The following PRPSAP2 variants were observed in gnomAD, a reference collection of about 807,000 sequenced individuals.
PRPSAP2 encodes phosphoribosyl pyrophosphate synthetase associated protein 2.
PRPSAP2 carries 24 observed loss-of-function variants against 40.6 expected under a neutral mutation model. The observed-to-expected ratio is 0.59, with a 90% confidence interval of 0.43 to 0.83. PRPSAP2 has a LOEUF of 0.83. Ranked by LOEUF, PRPSAP2 falls within the 40% of genes least tolerant of loss-of-function variation. The pLI is 0.00. For missense variants in PRPSAP2, 292 were observed against 465.6 expected (o/e 0.63, Z 3.43); for synonymous variants, 149 against 164.7 (o/e 0.90, Z 0.73).
At chr17:18,877,633 CT>C in intron 5 of PRPSAP2, 64 bp from the exon 6 acceptor site, 2 of 1,476,858 alleles carry the variant, frequency 1.4e-6, no homozygotes, top group Non-Finnish European at 1.8e-6. Context: ...ACTGCTGACA[CT>C]TTTTGGAACA....
At chr17:18,909,542 C>A (rs1453253761) in intron 8 of PRPSAP2, among the ~76,000 whole-genome samples, 3 of 151,974 alleles carry the variant, frequency 2.0e-5, no homozygotes, top group Non-Finnish European at 4.4e-5. Context: ...CTGCGCCCGG[C>A]CTATGTGGCC....
At chr17:18,924,923 C>T (rs1039143854) in intron 10 of PRPSAP2, among the ~76,000 whole-genome samples, 1 of 152,084 alleles carries the variant, frequency 6.6e-6, no homozygotes, top group Non-Finnish European at 1.5e-5. Context: ...AGTTGAAGAC[C>T]AGCCTGGCCA....
intron 7 of PRPSAP2, among the ~76,000 whole-genome samples, chr17:18,885,895 G>A (rs867548798): frequency 2.6e-5 from 4 of 151,994 alleles, no homozygotes; most frequent in Admixed American, 6.6e-5. Flanking sequence ...CCTAATTTTT[G>A]TGTTTTTAGT....
rs542160670 is a variant in PRPSAP2 at position 18,868,787 on chromosome 17, G to A, written c.172+1453G>A. On this transcript the variant is annotated intron_variant, in intron 4 of 11. Coordinates refer to ENST00000268835, the MANE Select transcript of PRPSAP2 (RefSeq NM_002767.4). ...TGCCCAGGCTTATCTCAAACTCTGG[G>A]CAAAAGCAGTTCTCCTATTTCAGCC... 6.3e-4 allele frequency among the ~76,000 whole-genome samples: 95 copies of A among 151,526 alleles called. 1 individual carries two copies. The South Asian group carries it at 0.02, about 32-fold the overall frequency.
chr17:18,892,666 A>G (rs188748472), intron 8 of PRPSAP2, among the ~76,000 whole-genome samples: 8 of 142,616 alleles, frequency 5.6e-5, no homozygotes, highest in African/African-American at 1.8e-4. Context: ...GGCTCAATCA[A>G]TCCTTCTGCC....
chr17:18,909,240 CTTTT>C (rs71155371), intron 8 of PRPSAP2, among the ~76,000 whole-genome samples: 2 of 95,966 alleles, frequency 2.1e-5, no homozygotes, highest in Admixed American at 1.1e-4. Context: ...ACAGTGTGGC[CTTTT>C]TTTTTTTTTT....
At chr17:18,875,908 C>T (rs945361137) in intron 5 of PRPSAP2, among the ~76,000 whole-genome samples, 1 of 150,446 alleles carries the variant, frequency 6.6e-6, no homozygotes. Flanking sequence ...CCCAGGCGTG[C>T]AGATCACCTG....
At chr17:18,856,376 G>C (rs1357098045), upstream of PRPSAP2, 2 of 152,220 alleles carry the variant, frequency 1.3e-5, no homozygotes, top group Admixed American at 6.5e-5. Context: ...TTAGATGCCA[G>C]CGCAGAAGGG....
At chr17:18,875,820 C>A (rs1443853273) in intron 5 of PRPSAP2, among the ~76,000 whole-genome samples, 1 of 146,828 alleles carries the variant, frequency 6.8e-6, no homozygotes, top group East Asian at 2.0e-4. Context: ...CGCCACTATA[C>A]TCCAGGCTGG....
chr17:18,902,600 G>GGT (rs2040335623), intron 8 of PRPSAP2, among the ~76,000 whole-genome samples: 1 of 151,976 alleles, frequency 6.6e-6, no homozygotes, highest in African/African-American at 2.4e-5. Context: ...GGCCAGGTGC[G>GGT]GTGTCACACC....
At chr17:18,881,046 C>G (rs2038690938) in intron 6 of PRPSAP2, among the ~76,000 whole-genome samples, 1 of 151,704 alleles carries the variant, frequency 6.6e-6, no homozygotes, top group Non-Finnish European at 1.5e-5. Context: ...GTTGGCCAGG[C>G]TGGTCTTGAA....
At chr17:18,879,468 T>G (rs945002495) in intron 6 of PRPSAP2, among the ~76,000 whole-genome samples, 1 of 108,362 alleles carries the variant, frequency 9.2e-6, no homozygotes, top group Non-Finnish European at 2.1e-5. Flanking sequence ...TTATTTTTAT[T>G]TTTTATTTTT....
intron 10 of PRPSAP2, among the ~76,000 whole-genome samples, chr17:18,927,720 C>T (rs2151977230): frequency 6.6e-6 from 1 of 152,272 alleles, no homozygotes; most frequent in South Asian, 2.1e-4. Context: ...GACTGTCAAA[C>T]TGTTTTCCAA....
At chr17:18,891,603 C>A (rs145217451) in intron 8 of PRPSAP2, among the ~76,000 whole-genome samples, 254 of 152,300 alleles carry the variant, frequency 1.7e-3, no homozygotes, top group African/African-American at 6.0e-3. Context: ...ACATAATATA[C>A]AATAATTTTA....
At chr17:18,858,009 C>G (rs2036708323), upstream of PRPSAP2, 1 of 152,130 alleles carries the variant, frequency 6.6e-6, no homozygotes, top group African/African-American at 2.4e-5. Flanking sequence ...GACTCCACCC[C>G]TGTGGCTACA....
chr17:18,881,324 C>G (rs533373215), intron 6 of PRPSAP2, among the ~76,000 whole-genome samples: 21 of 151,432 alleles, frequency 1.4e-4, no homozygotes, highest in African/African-American at 4.4e-4. Flanking sequence ...CAACCTCCGC[C>G]CCCCCAGGTT....
chr17:18,925,277 G>T (rs1237393748), intron 10 of PRPSAP2, among the ~76,000 whole-genome samples: 1 of 152,164 alleles, frequency 6.6e-6, no homozygotes, highest in Non-Finnish European at 1.5e-5. Context: ...CTCACTTGAG[G>T]CATAGATCAT....
intron 7 of PRPSAP2, 118 bp from the exon 8 acceptor site, chr17:18,889,704 T>G: frequency 1.4e-6 from 1 of 714,662 alleles, no homozygotes; most frequent in Non-Finnish European, 2.2e-6. Flanking sequence ...CAAAGGAGAA[T>G]TTTACTTTGA....
At chr17:18,876,811 G>A (rs1427095522) in intron 5 of PRPSAP2, among the ~76,000 whole-genome samples, 1 of 152,170 alleles carries the variant, frequency 6.6e-6, no homozygotes, top group Non-Finnish European at 1.5e-5. Context: ...ACTAGGTGGG[G>A]AGAAAAGCAT....
Sources: gnomAD v4.1 joint callset for allele counts (sites outside exome capture counted in the v4.1 genomes callset) on GRCh38, gnomAD v4.1.1 for gene constraint, MANE v1.5 for transcripts, NCBI Gene and HGNC (gene_info 2026-07-23, HGNC 2026-07-21) for gene names.